The following AGBL1 variants were observed in gnomAD, a reference collection of about 807,000 sequenced individuals.
The protein encoded by AGBL1 is cytosolic carboxypeptidase 4.
AGBL1 carries 130 observed loss-of-function variants against 118.9 expected under a neutral mutation model. The observed-to-expected ratio is 1.09, with a 90% CI of 0.95 to 1.26. The LOEUF is 1.26. Ranked by LOEUF, AGBL1 falls within the 50% of genes most tolerant of loss-of-function variation. AGBL1 has a pLI of 0.00. For synonymous variants in AGBL1, 555 were observed against 478.9 expected, an observed-to-expected ratio of 1.16 and a Z score of -2.08; for missense variants, 1,584 against 1,298.1, an observed-to-expected ratio of 1.22 and a Z score of -3.38.
chr15:86,202,006 C>T (rs2077914994), intron 5 of AGBL1, among the ~76,000 whole-genome samples: 1 of 152,060 alleles, frequency 6.6e-6, no homozygotes, highest in African/African-American at 2.4e-5. Context: ...CCCTGTGTGG[C>T]CAGGCATGGG....
intron 18 of AGBL1, among the ~76,000 whole-genome samples, chr15:86,432,060 C>A (rs1166780290): frequency 1.2e-5 from 1 of 84,038 alleles, no homozygotes; most frequent in Non-Finnish European, 2.0e-5. Flanking sequence ...CAACCCAGTT[C>A]CCAGGATCAG....
chr15:86,989,369 T>C (rs2081315816), intron 24 of AGBL1, among the ~76,000 whole-genome samples: 1 of 152,176 alleles, frequency 6.6e-6, no homozygotes, highest in Admixed American at 6.5e-5. Context: ...TTTGGTAGAT[T>C]ATCTTTATTA....
At chr15:86,472,044 C>T (rs2082486416) in intron 18 of AGBL1, among the ~76,000 whole-genome samples, 1 of 152,160 alleles carries the variant, frequency 6.6e-6, no homozygotes, top group Admixed American at 6.5e-5. Flanking sequence ...GTGATGCAGC[C>T]ATGAGCCAAG....
intron 22 of AGBL1, among the ~76,000 whole-genome samples, chr15:86,787,543 T>G (rs188277204): frequency 6.6e-6 from 1 of 152,218 alleles, no homozygotes; most frequent in Non-Finnish European, 1.5e-5. Context: ...GGTCTAGCTT[T>G]TTTCCCTTAG....
intron 17 of AGBL1, among the ~76,000 whole-genome samples, chr15:86,307,898 A>T (rs1567191074): frequency 6.6e-6 from 1 of 152,326 alleles, no homozygotes; most frequent in East Asian, 1.9e-4. Flanking sequence ...CCTATATTTT[A>T]GTCCCCATAA....
chr15:86,781,078 C>G (rs1374696242), intron 22 of AGBL1, among the ~76,000 whole-genome samples: 1 of 151,742 alleles, frequency 6.6e-6, no homozygotes, highest in East Asian at 1.9e-4. Context: ...GTAAATAGCA[C>G]CCTTTAAAAT....
At chr15:86,121,308 A>G (rs187413722) in intron 1 of AGBL1, among the ~76,000 whole-genome samples, 22 of 152,360 alleles carry the variant, frequency 1.4e-4, no homozygotes, top group Admixed American at 5.2e-4. Context: ...ACAACTATTA[A>G]TATCTACTTT....
At chr15:86,648,668 T>C (rs550171353) in intron 21 of AGBL1, among the ~76,000 whole-genome samples, 43 of 152,306 alleles carry the variant, frequency 2.8e-4, no homozygotes, top group Non-Finnish European at 5.6e-4. Flanking sequence ...CCTGGGACCT[T>C]TGTTACTAAG....
intron 22 of AGBL1, among the ~76,000 whole-genome samples, chr15:86,850,381 G>T (rs2079390488): frequency 6.6e-6 from 1 of 152,148 alleles, no homozygotes; most frequent in Admixed American, 6.5e-5. Context: ...TCTTATCTCT[G>T]CTCCTGCCCC....
At chr15:86,586,883 G>A (rs1253103608) in intron 21 of AGBL1, among the ~76,000 whole-genome samples, 1 of 152,092 alleles carries the variant, frequency 6.6e-6, no homozygotes, top group East Asian at 1.9e-4. Context: ...TTTGTCATGT[G>A]ATGCCATGTT....
intron 18 of AGBL1, among the ~76,000 whole-genome samples, chr15:86,456,449 C>T (rs2082259071): frequency 6.6e-6 from 1 of 152,124 alleles, no homozygotes; most frequent in Non-Finnish European, 1.5e-5. Context: ...AGCATTCTTC[C>T]CAATGACCAG....
Position 86,224,905 on chromosome 15 carries a change from T to C in AGBL1, c.489-9T>C. The C allele has an allele frequency of 6.2e-7, 1 of 1,613,262 alleles. No homozygotes were observed. Among genetic ancestry groups the C allele is most frequent in the Non-Finnish European group, 8.5e-7 (1 of 1,179,436 alleles). ...ATGTTGACTGTTACTTTTCTTTCTC[T>C]TTCCCCAGGGCAGCCACTGAAGTTT... is the stretch of plus-strand genomic sequence containing the variant. On this transcript the variant is annotated splice_polypyrimidine_tract_variant and intron_variant, in intron 5 of 22. Transcript: ENST00000614907.
chr15:86,941,276 A>C (rs2080748396), intron 23 of AGBL1, among the ~76,000 whole-genome samples: 1 of 152,238 alleles, frequency 6.6e-6, no homozygotes, highest in Admixed American at 6.5e-5. Flanking sequence ...CAGGAGGAAA[A>C]GCTAAAGCTC....
intron 21 of AGBL1, among the ~76,000 whole-genome samples, chr15:86,586,713 A>C (rs1161175060): frequency 1.3e-5 from 2 of 152,156 alleles, no homozygotes; most frequent in African/African-American, 4.8e-5. Flanking sequence ...GAGGTATACA[A>C]TAGTTTGGTC....
At chr15:86,397,925 T>C (rs1448273942) in intron 18 of AGBL1, among the ~76,000 whole-genome samples, 4 of 152,130 alleles carry the variant, frequency 2.6e-5, no homozygotes, top group Non-Finnish European at 5.9e-5. Flanking sequence ...AGGAAACTGG[T>C]GTCCAGGGTA....
rs2081511861 is a variant in AGBL1 at position 87,006,981 on chromosome 15, G to A, written c.3323+18893G>A. ...TGCTATCCCCAAAACATAGCAGAAA[G>A]TAAAACAAAGCAGGGAAAAACTAAG... On this transcript the variant is annotated intron_variant, in intron 24 of 24. Coordinates refer to the AGBL1 transcript ENST00000441037. Among the ~76,000 whole-genome samples the A allele has an allele frequency of 3.3e-5, 5 of 152,128 alleles. No individual in the cohort carries two copies. The South Asian group carries it at 8.3e-4, about 25-fold the overall frequency.
intron 19 of AGBL1, among the ~76,000 whole-genome samples, chr15:86,526,407 C>A (rs2083262396): frequency 6.6e-6 from 1 of 151,834 alleles, no homozygotes; most frequent in Middle Eastern, 3.4e-3. Context: ...TAAAAATATA[C>A]CTGCACATAT....
intron 17 of AGBL1, among the ~76,000 whole-genome samples, chr15:86,341,546 C>T (rs2080461729): frequency 6.6e-6 from 1 of 152,178 alleles, no homozygotes; most frequent in African/African-American, 2.4e-5. Context: ...GGTACATCTA[C>T]TATATATTCC....
intron 6 of AGBL1, among the ~76,000 whole-genome samples, chr15:86,243,537 A>G (rs2141981831): frequency 6.6e-6 from 1 of 152,244 alleles, no homozygotes; most frequent in African/African-American, 2.4e-5. Flanking sequence ...CCAAAGGAAA[A>G]CTGGCCAAAA....
Sources: gnomAD v4.1 joint callset for allele counts (sites outside exome capture counted in the v4.1 genomes callset) on GRCh38, gnomAD v4.1.1 for gene constraint, MANE v1.5 for transcripts, NCBI Gene and HGNC (gene_info 2026-07-23, HGNC 2026-07-21) for gene names.